The following LRRN3 variants were observed in gnomAD, a reference collection of about 807,000 sequenced individuals.
LRRN3 encodes leucine-rich repeat neuronal protein 3.
Under a neutral mutation model 40.1 loss-of-function variants are expected in LRRN3, and 15 were observed. The observed-to-expected ratio is 0.37, with a 90% confidence interval of 0.25 to 0.58. LRRN3 has a LOEUF of 0.58. LRRN3 is among the 20% of genes least tolerant of loss of function. LRRN3 has a pLI of 0.72. For missense variants in LRRN3, 746 were observed against 837.7 expected (o/e 0.89, Z 1.35); for synonymous variants, 308 against 297.2 (o/e 1.04, Z -0.37).
rs1311053745 is a variant in LRRN3 at position 111,123,135 on chromosome 7, G to C, written c.363G>C (p.Val121=). The stretch of plus-strand genomic sequence containing the variant: ...AAAAGATGCCTCAGCTCCTTTCTGT[G>C]TACCTAGAGGAAAACAAACTTACTG... ...NVKKMPQLLS[V]YLEENKLTEL... The change falls in exon 3 of 3, where the codon GTG becomes GTC. Residue 121 remains valine (V), a synonymous_variant. Coordinates refer to ENST00000308478, the MANE Select transcript of LRRN3 (RefSeq NM_001099658.2). This position sits in a 1 kb window ranked among gnomAD's most constrained non-coding sequence, Gnocchi z 6.4. 1.1e-5 allele frequency: 18 copies of C among 1,613,894 alleles called. No homozygotes were observed. Among genetic ancestry groups the C allele is most frequent in the Non-Finnish European group, 1.5e-5 (18 of 1,179,926 alleles).
intron 1 of LRRN3, among the ~76,000 whole-genome samples, chr7:111,095,103 C>T (rs1025437879): frequency 6.6e-6 from 1 of 151,740 alleles, no homozygotes; most frequent in Non-Finnish European, 1.5e-5. Flanking sequence ...TTCTATGGTG[C>T]CATTAATAAA....
intron 2 of LRRN3, among the ~76,000 whole-genome samples, chr7:111,110,050 G>A (rs1481626498): frequency 6.6e-6 from 1 of 152,238 alleles, no homozygotes; most frequent in African/African-American, 2.4e-5. Context: ...CAGGAGAATC[G>A]CTTGAACCCA....
intron 1 of LRRN3, among the ~76,000 whole-genome samples, chr7:111,095,268 TA>T (rs1797282261): frequency 6.6e-6 from 1 of 152,030 alleles, no homozygotes; most frequent in African/African-American, 2.4e-5. Flanking sequence ...GAAATCGTTA[TA>T]ATGTAATACA....
At chr7:111,117,564 T>C (rs530315683) in intron 2 of LRRN3, among the ~76,000 whole-genome samples, 4 of 152,074 alleles carry the variant, frequency 2.6e-5, no homozygotes, top group Non-Finnish European at 5.9e-5. Context: ...ATAATTTGTT[T>C]TGAAAAACTG....
Position 111,123,955 on chromosome 7 carries a change from T to C in LRRN3, c.1183T>C (p.Phe395Leu), listed in dbSNP as rs1276127618. Residue 395 changes from phenylalanine to leucine, a missense_variant, in exon 3 of 3, where the codon TTT becomes CTT. By Grantham distance (22) the Phe-to-Leu change is conservative (BLOSUM62 0). Coordinates refer to ENST00000308478, the MANE Select transcript of LRRN3 (RefSeq NM_001099658.2). This position sits in a 1 kb window ranked among gnomAD's most constrained non-coding sequence, Gnocchi z 6.4. ...TCGATTCATGGAGCCAGATTCACTG[T>C]TTTGCGTGGACCCACCTGAATTCCA... is the stretch of plus-strand genomic sequence containing the variant. ...NIRFMEPDSL[F>L]CVDPPEFQGQ... The C allele has an allele frequency of 1.2e-6, 2 of 1,613,854 alleles. No homozygotes were observed. Among genetic ancestry groups the C allele is most frequent in the Non-Finnish European group, 1.7e-6 (2 of 1,179,990 alleles).
At position 111,125,116 on chromosome 7, in the gene LRRN3, C is replaced by T; in HGVS notation, c.*217C>T. 1 of 441,822 alleles carries T rather than the reference C, an allele frequency of 2.3e-6. No individual in the cohort carries two copies. The highest frequency in any genetic ancestry group is 4.1e-6 in the Non-Finnish European group (1 of 243,534). 27.4% of individuals were successfully genotyped at this position (441,822 alleles called of 1,614,324 possible). A position where few individuals can be genotyped will look rare whatever the true frequency, so the allele number is the denominator to read the frequency against. On this transcript the variant is annotated 3_prime_UTR_variant, in exon 3 of 3. Transcript: ENST00000308478. ...TAACTGGCTTCAAGGGGTACTGTGG[C>T]AACCAAATAAAATAACTCCATTTTC...
intron 1 of LRRN3, among the ~76,000 whole-genome samples, chr7:111,092,506 T>A (rs214892): frequency 0.82 from 124,696 of 152,106 alleles, 51,357 homozygotes; most frequent in East Asian, 0.89. Flanking sequence ...GAAAAGGGGA[T>A]AATGTGAAAA....
chr7:111,099,225 A>T (rs1455384003), intron 1 of LRRN3, among the ~76,000 whole-genome samples: 2 of 151,718 alleles, frequency 1.3e-5, no homozygotes, highest in African/African-American at 2.4e-5. Context: ...ATTGGTCTCA[A>T]ATTTCATTAT....
chr7:111,116,748 ACT>A (rs1221541687), intron 2 of LRRN3, among the ~76,000 whole-genome samples: 2 of 152,148 alleles, frequency 1.3e-5, no homozygotes, highest in Non-Finnish European at 2.9e-5. Context: ...TCTGAGTGAA[ACT>A]TTATTATCAA....
Position 111,123,201 on chromosome 7 carries a change from A to G in LRRN3, c.429A>G (p.Gln143=). 6.2e-7 allele frequency: 1 copy of G among 1,614,012 alleles called. No individual in the cohort carries two copies. Among genetic ancestry groups the G allele is most frequent in the Non-Finnish European group, 8.5e-7 (1 of 1,179,970 alleles). The change falls in exon 3 of 3, where the codon CAA becomes CAG. Residue 143 remains glutamine, a synonymous_variant. Coordinates refer to ENST00000308478, the MANE Select transcript of LRRN3 (RefSeq NM_001099658.2). This position sits in a 1 kb window ranked among gnomAD's most constrained non-coding sequence, Gnocchi z 6.4. ...EKCLSELSNL[Q]ELYINHNLLS... ...GTCTGTCCGAACTGAGCAACTTACA[A>G]GAACTCTATATTAATCACAACTTGC...
At chr7:111,098,700 C>T (rs749208729) in intron 1 of LRRN3, among the ~76,000 whole-genome samples, 3 of 151,676 alleles carry the variant, frequency 2.0e-5, no homozygotes, top group Non-Finnish European at 4.4e-5. Context: ...ACTAAGTAAG[C>T]GCTATGTTTA....
chr7:111,108,216 G>A (rs951378837), intron 2 of LRRN3, among the ~76,000 whole-genome samples: 1 of 152,244 alleles, frequency 6.6e-6, no homozygotes, highest in Non-Finnish European at 1.5e-5. Flanking sequence ...CTGGCCTGCA[G>A]CCACATCAAA....
At position 111,124,740 on chromosome 7, in the gene LRRN3, T is replaced by A; in HGVS notation, c.1968T>A (p.Asp656Glu). ...GCCTCTCTCCAGAAATGAACTGTGATGGTGGACACAGCTATGTGAGGAATT... is the reference window on the plus strand; with the variant it reads ...GCCTCTCTCCAGAAATGAACTGTGAAGGTGGACACAGCTATGTGAGGAATT... ...ISCLSPEMNC[D>E]GGHSYVRNYL... is the part of the protein sequence containing the mutation. Residue 656 changes from aspartate (D) to glutamate (E), a missense_variant, in exon 3 of 3, where the codon GAT becomes GAA. Asp to Glu is a conservative substitution (Grantham distance 45, BLOSUM62 2). Transcript: ENST00000308478. The A allele has an allele frequency of 6.2e-7, 1 of 1,613,952 alleles. No homozygotes were observed. Among genetic ancestry groups the A allele is most frequent in the Non-Finnish European group, 8.5e-7 (1 of 1,179,986 alleles).
intron 1 of LRRN3, among the ~76,000 whole-genome samples, chr7:111,098,876 T>C (rs542644924): frequency 6.6e-6 from 1 of 151,918 alleles, no homozygotes; most frequent in African/African-American, 2.4e-5. Flanking sequence ...AGCTAGTTGA[T>C]ATCGCCTTCC....
At chr7:111,097,829 C>A (rs1797565009) in intron 1 of LRRN3, among the ~76,000 whole-genome samples, 1 of 151,834 alleles carries the variant, frequency 6.6e-6, no homozygotes, top group African/African-American at 2.4e-5. Context: ...ATGACCTTTA[C>A]TGAAATTTCA....
intron 2 of LRRN3, among the ~76,000 whole-genome samples, chr7:111,113,431 G>C (rs1799478273): frequency 6.6e-6 from 1 of 151,820 alleles, no homozygotes; most frequent in African/African-American, 2.4e-5. Flanking sequence ...CATGTATAAG[G>C]CCCTAGAGAG....
rs928789464 is a variant in LRRN3 at position 111,122,675 on chromosome 7, T to C, written c.-98T>C. 1.1e-6 allele frequency: 1 copy of C among 944,604 alleles called. No individual in the cohort carries two copies. Among genetic ancestry groups the C allele is most frequent in the Non-Finnish European group, 1.6e-6 (1 of 619,046 alleles). The allele number at this position is 944,604 out of a possible 1,614,324, so 58.5% of individuals were successfully genotyped here. ...TCTATGGCATTCATCATTTGACAAA[T>C]GCAAGCATCTTCCTTATCAATCAGC... is the stretch of plus-strand genomic sequence containing the variant. On this transcript the variant is annotated 5_prime_UTR_variant, in exon 3 of 3. The change abolishes an upstream ATG in the 5' untranslated region. Coordinates refer to ENST00000308478, the MANE Select transcript of LRRN3 (RefSeq NM_001099658.2).
At chr7:111,097,633 C>T (rs530974108) in intron 1 of LRRN3, among the ~76,000 whole-genome samples, 1 of 151,688 alleles carries the variant, frequency 6.6e-6, no homozygotes, top group African/African-American at 2.4e-5. Flanking sequence ...TTCAAACATA[C>T]AATTCATGTT....
At chr7:111,103,132 T>C (rs1798161283) in intron 2 of LRRN3, among the ~76,000 whole-genome samples, 1 of 151,616 alleles carries the variant, frequency 6.6e-6, no homozygotes, top group South Asian at 2.1e-4. Context: ...ATTTTAACAA[T>C]ATCTATTAGA....
Sources: allele counts gnomAD v4.1 joint callset (sites outside exome capture counted in the v4.1 genomes callset), GRCh38; gene constraint gnomAD v4.1.1; non-coding constraint Gnocchi (gnomAD v3.1); transcripts MANE v1.5; gene names NCBI Gene and HGNC (gene_info 2026-07-23, HGNC 2026-07-21).